Variants in CSMD3 observed in about 807,000 individuals in gnomAD.
The protein encoded by CSMD3 is CUB and Sushi multiple domains 3.
A neutral mutation model predicts 435.2 loss-of-function variants in CSMD3; 177 were observed. That is an observed-to-expected ratio of 0.41 (90% CI 0.36 to 0.46). CSMD3 has a LOEUF of 0.46. Among genes scored for constraint, CSMD3 ranks in the 20% least tolerant of loss-of-function variants. The pLI, the probability that CSMD3 is intolerant of heterozygous loss-of-function variation, is 0.34. For missense variants in CSMD3, 4,265 were observed against 4,504.6 expected (o/e 0.95, Z 1.52); for synonymous variants, 1,656 against 1,520.5 (o/e 1.09, Z -2.07).
At chr8:113,422,393 C>T (rs1303616350) in intron 1 of CSMD3, among the ~76,000 whole-genome samples, 1 of 152,170 alleles carries the variant, frequency 6.6e-6, no homozygotes, top group East Asian at 1.9e-4. Flanking sequence ...TCTTAGAGAG[C>T]TTGCTGATCT....
intron 32 of CSMD3, among the ~76,000 whole-genome samples, chr8:112,426,201 AT>A (rs1813052515): frequency 6.6e-6 from 1 of 152,192 alleles, no homozygotes; most frequent in Non-Finnish European, 1.5e-5. Context: ...AACAAATAAA[AT>A]AAGATAAAAT....
At position 112,762,655 on chromosome 8, in the gene CSMD3, ATTGT is replaced by A. The variant is rs575389783; in HGVS notation, c.1972+37503_1972+37506del. Among the ~76,000 whole-genome samples the A allele has an allele frequency of 5.9e-5, 9 of 152,054 alleles. No homozygotes were observed. The East Asian group carries it at 1.4e-3, about 23-fold the overall frequency. ...AACCACTTAAAGTTATCAAGTTGTT[ATTGT>A]TTGTTTGAATTTTGGCTGGTTTCTG... On this transcript the variant is annotated intron_variant, in intron 13 of 70. Transcript: ENST00000297405.
rs559318332 is a variant in CSMD3 at position 113,250,819 on chromosome 8, A to C, written c.514+27773T>G. On this transcript the variant is annotated intron_variant, in intron 3 of 70. Coordinates refer to ENST00000297405, the MANE Select transcript of CSMD3 (RefSeq NM_198123.2). ...TACTGGGGTTAAAAACCAATAGAAG[A>C]GTGACTGTTGCTCACAGCGTCACAG... Among the ~76,000 whole-genome samples the C allele has an allele frequency of 5.3e-5, 8 of 152,236 alleles. No homozygotes were observed. In the East Asian group the frequency reaches 1.5e-3, roughly 29 times the overall value.
chr8:112,346,940 T>C (rs998389430), intron 40 of CSMD3, among the ~76,000 whole-genome samples: 4 of 151,894 alleles, frequency 2.6e-5, no homozygotes, highest in Non-Finnish European at 5.9e-5. Flanking sequence ...AGGCCTCCTA[T>C]CCTTTTCCTC....
intron 1 of CSMD3, among the ~76,000 whole-genome samples, chr8:113,384,924 G>T (rs531572248): frequency 6.6e-5 from 10 of 152,206 alleles, no homozygotes; most frequent in Non-Finnish European, 1.3e-4. Context: ...TGTTTTGTTA[G>T]TCCCTAAAAT....
chr8:113,343,554 A>G (rs1225145886), intron 1 of CSMD3, among the ~76,000 whole-genome samples: 1 of 152,182 alleles, frequency 6.6e-6, no homozygotes, highest in Non-Finnish European at 1.5e-5. Flanking sequence ...AAAATACAGA[A>G]GAACTATCGT....
At chr8:112,362,745 A>G (rs1282120636) in intron 38 of CSMD3, among the ~76,000 whole-genome samples, 2 of 151,996 alleles carry the variant, frequency 1.3e-5, no homozygotes, top group Non-Finnish European at 2.9e-5. Flanking sequence ...CCTTTGTTTA[A>G]TTAGATAATT....
intron 13 of CSMD3, among the ~76,000 whole-genome samples, chr8:112,703,580 C>A (rs140185158): frequency 6.6e-6 from 1 of 152,128 alleles, no homozygotes; most frequent in African/African-American, 2.4e-5. Context: ...ACTCATTGAT[C>A]AATCTCTGAC....
chr8:113,104,034 AT>A (rs2090405924), intron 4 of CSMD3, among the ~76,000 whole-genome samples: 2 of 152,248 alleles, frequency 1.3e-5, no homozygotes, highest in African/African-American at 4.8e-5. Flanking sequence ...TAATAAAAAA[AT>A]AAACACAGCT....
At chr8:112,918,781 T>C (rs1587668621) in intron 10 of CSMD3, among the ~76,000 whole-genome samples, 1 of 151,954 alleles carries the variant, frequency 6.6e-6, no homozygotes, top group East Asian at 1.9e-4. Context: ...CTGTGTGAAC[T>C]TTTAATCCCT....
At chr8:112,328,526 T>C (rs1433554257) in intron 45 of CSMD3, among the ~76,000 whole-genome samples, 2 of 152,194 alleles carry the variant, frequency 1.3e-5, no homozygotes, top group East Asian at 3.9e-4. Flanking sequence ...CAAGAGTGAA[T>C]GCTTATTTGG....
chr8:113,344,079 A>G (rs2094137088), intron 1 of CSMD3, among the ~76,000 whole-genome samples: 1 of 152,112 alleles, frequency 6.6e-6, no homozygotes, highest in African/African-American at 2.4e-5. Context: ...GTTTTTTCTT[A>G]CATATATTAA....
At chr8:112,293,156 C>T (rs548125325) in intron 54 of CSMD3, among the ~76,000 whole-genome samples, 63 of 151,290 alleles carry the variant, frequency 4.2e-4, no homozygotes, top group African/African-American at 1.3e-3. Flanking sequence ...TTTGGGAGGC[C>T]GGGGTGGGAG....
At chr8:113,203,683 G>A (rs1340071833) in intron 3 of CSMD3, among the ~76,000 whole-genome samples, 5 of 151,962 alleles carry the variant, frequency 3.3e-5, no homozygotes, top group Non-Finnish European at 7.4e-5. Flanking sequence ...TACTTCCTCA[G>A]TCCAGCTCCA....
chr8:112,342,756 G>T (rs1168466374), intron 41 of CSMD3, among the ~76,000 whole-genome samples: 1 of 151,606 alleles, frequency 6.6e-6, no homozygotes, highest in Non-Finnish European at 1.5e-5. Flanking sequence ...GGACAAATAA[G>T]CTTTGGAAAT....
intron 1 of CSMD3, among the ~76,000 whole-genome samples, chr8:113,317,247 C>G (rs1024113757): frequency 1.1e-4 from 17 of 152,056 alleles, no homozygotes; most frequent in African/African-American, 4.1e-4. Context: ...ACTTTGAAGC[C>G]TTAGGTTAAT....
chr8:113,041,217 AG>A (rs1190519642), intron 5 of CSMD3, among the ~76,000 whole-genome samples: 39 of 21,506 alleles, frequency 1.8e-3, no homozygotes, highest in East Asian at 6.2e-3. Context: ...AAAAAAAAAA[AG>A]GGGGGGGTGG....
intron 27 of CSMD3, among the ~76,000 whole-genome samples, chr8:112,542,962 G>T (rs138061721): frequency 6.6e-6 from 1 of 152,102 alleles, no homozygotes; most frequent in Non-Finnish European, 1.5e-5. Flanking sequence ...AAAAGGTGTG[G>T]ACAGTGGTGG....
intron 13 of CSMD3, among the ~76,000 whole-genome samples, chr8:112,746,034 C>G (rs1587154104): frequency 6.6e-6 from 1 of 152,090 alleles, no homozygotes; most frequent in African/African-American, 2.4e-5. Flanking sequence ...TTTGAACTCA[C>G]CTTTTCAGTA....
Sources: gnomAD v4.1 joint callset for allele counts (sites outside exome capture counted in the v4.1 genomes callset) on GRCh38, gnomAD v4.1.1 for gene constraint, MANE v1.5 for transcripts, NCBI Gene and HGNC (gene_info 2026-07-23, HGNC 2026-07-21) for gene names.